The following NCOR1 variants were observed in gnomAD, a reference collection of about 807,000 sequenced individuals.
NCOR1 encodes nuclear receptor corepressor 1.
In NCOR1, 63 loss-of-function variants were observed where a neutral mutation model predicts 288.1. That is an observed-to-expected ratio of 0.22 (90% confidence interval 0.18 to 0.27). NCOR1 has a LOEUF of 0.27. Ranked by LOEUF, NCOR1 falls within the 10% of genes least tolerant of loss-of-function variation. The pLI is 1.00. For missense variants in NCOR1, 2,397 were observed against 3,019.2 expected, an observed-to-expected ratio of 0.79 and a Z score of 4.83; for synonymous variants, 1,007 against 1,065.9, an observed-to-expected ratio of 0.94 and a Z score of 1.08.
At chr17:16,212,064 T>A (rs1194118588) in intron 1 of NCOR1, among the ~76,000 whole-genome samples, 1 of 151,732 alleles carries the variant, frequency 6.6e-6, no homozygotes, top group East Asian at 1.9e-4. Context: ...GATCATGAGG[T>A]CAGGAGTTCA....
At chr17:16,098,518 A>G in intron 20 of NCOR1, 22 bp from the exon 21 acceptor site, 7 of 1,594,306 alleles carry the variant, frequency 4.4e-6, no homozygotes, top group Non-Finnish European at 6.0e-6. Context: ...ATTTAAAAAA[A>G]AGATAAATGA....
rs1971830954 is a variant in NCOR1 at position 16,030,615 on chromosome 17, A to G, written c.*1681T>C. On this transcript the variant is annotated 3_prime_UTR_variant, in exon 46 of 46. Coordinates refer to ENST00000268712, the MANE Select transcript of NCOR1 (RefSeq NM_006311.4). ...AAAAAATACCAACTTTCCAAGTACT[A>G]GGAATGCTGACCACTAAGCCTGATC... The G allele has an allele frequency of 1.1e-5, 2 of 179,864 alleles. No individual in the cohort carries two copies. The highest frequency in any genetic ancestry group is 4.8e-5 in the African/African-American group (2 of 41,672). The allele number at this position is 179,864 out of a possible 1,614,324, so 11.1% of individuals were successfully genotyped here.
intron 31 of NCOR1, 56 bp downstream of exon 31, chr17:16,070,109 T>G (rs967806113): frequency 9.9e-6 from 15 of 1,517,652 alleles, no homozygotes; most frequent in East Asian, 2.3e-5. Context: ...AAAGGTTTTT[T>G]TTTTTTTTTT....
rs567792989 is a variant in NCOR1 at position 16,189,795 on chromosome 17, G to A, written c.109-3108C>T. Among the ~76,000 whole-genome samples, 93 of 152,208 alleles carry A rather than the reference G, an allele frequency of 6.1e-4. 1 individual carries two copies. Among genetic ancestry groups the A allele is most frequent in the African/African-American group, 2.2e-3 (90 of 41,532 alleles). ...AGTGAAACTTTATTATAAGTTTGAT[G>A]AAATAAAAAAGTTTCCTACAAAGTT... On this transcript the variant is annotated intron_variant, in intron 2 of 45. Transcript: ENST00000268712.
rs897172261 is a variant in NCOR1, at chr17:16,101,862, T to A, written c.2183-105A>T. 3.6e-6 allele frequency: 5 copies of A among 1,400,950 alleles called. No homozygotes were observed. The African/African-American group carries it at 5.7e-5, about 16-fold the overall frequency. The allele number at this position is 1,400,950 out of a possible 1,614,324, so 86.8% of individuals were successfully genotyped here. Reference sequence around the variant, plus strand: ...ATAATGAACATGTTTCAGGTGGTGATAGAAACCATGTTTGAAAGTAGTTGT... The same window carrying A: ...ATAATGAACATGTTTCAGGTGGTGAAAGAAACCATGTTTGAAAGTAGTTGT... On this transcript the variant is annotated intron_variant, in intron 19 of 45. Transcript: ENST00000268712.
intron 26 of NCOR1, among the ~76,000 whole-genome samples, chr17:16,078,275 C>T (rs1341804635): frequency 6.6e-6 from 1 of 152,148 alleles, no homozygotes; most frequent in Non-Finnish European, 1.5e-5. Flanking sequence ...AATCTGATAC[C>T]ATATGCTTAA....
intron 5 of NCOR1, among the ~76,000 whole-genome samples, chr17:16,161,712 A>G (rs769969979): frequency 6.6e-6 from 1 of 152,208 alleles, no homozygotes; most frequent in Non-Finnish European, 1.5e-5. Context: ...AACACAGAAC[A>G]TTATTATCAC....
At position 16,167,998 on chromosome 17, in the gene NCOR1, T is replaced by C. The variant is rs552499364; in HGVS notation, c.436-2837A>G. Among the ~76,000 whole-genome samples, 128 of 147,652 alleles carry C rather than the reference T, an allele frequency of 8.7e-4. No individual in the cohort carries two copies. The South Asian group carries it at 0.026, about 30-fold the overall frequency. On this transcript the variant is annotated intron_variant, in intron 4 of 45. Coordinates refer to ENST00000268712, the MANE Select transcript of NCOR1 (RefSeq NM_006311.4). ...TGCACTCTAACAACTCAATGTAAAA[T>C]AAACCAACAGAAAAATGGACAACAT... is the stretch of plus-strand genomic sequence containing the variant.
At chr17:16,155,178 C>T (rs1026202672) in intron 6 of NCOR1, among the ~76,000 whole-genome samples, 7 of 151,984 alleles carry the variant, frequency 4.6e-5, no homozygotes, top group Non-Finnish European at 7.4e-5. Flanking sequence ...TGGTGAAACC[C>T]CATCTCTACT....
In NCOR1 at chr17:16,057,536, G is replaced by A. The variant is rs1403202191; in HGVS notation, c.6370C>T (p.Leu2124Phe). ...RPGSRVSPEN[L>F]VDKSRGSRPG... is the part of the protein sequence containing the mutation. Reference sequence around the variant, plus strand: ...TACCTTCCCCTGGATTTGTCCACAAGATTTTCTGGAGAGACCCTTGAACCT... The same window carrying A: ...TACCTTCCCCTGGATTTGTCCACAAAATTTTCTGGAGAGACCCTTGAACCT... Residue 2124 changes from leucine (L) to phenylalanine (F), a missense_variant, in exon 40 of 46, where the codon CTT (leucine) becomes TTT (phenylalanine). Leu to Phe is a conservative substitution (Grantham distance 22). Coordinates refer to ENST00000268712, the MANE Select transcript of NCOR1 (RefSeq NM_006311.4). The A allele has an allele frequency of 6.2e-7, 1 of 1,614,098 alleles. No homozygotes were observed. The highest frequency in any genetic ancestry group is 1.7e-5 in the Admixed American group (1 of 60,016).
intron 14 of NCOR1, among the ~76,000 whole-genome samples, chr17:16,127,051 C>T (rs539273009): frequency 6.6e-6 from 1 of 151,906 alleles, no homozygotes; most frequent in South Asian, 2.1e-4. Context: ...TTATTTGTTA[C>T]TGTTAATTCC....
At position 16,181,215 on chromosome 17, in the gene NCOR1, G is replaced by GTATGTATGTA. The variant is rs1568520148; in HGVS notation, c.242+5338_242+5339insTACATACATA. ...TGTGTGTATACATATATATGTATGT[G>GTATGTATGTA]TGTGTGTGTGTGTGTGTGTGTGTGT... On this transcript the variant is annotated intron_variant, in intron 3 of 45. Transcript: ENST00000268712. Among the ~76,000 whole-genome samples the GTATGTATGTA allele has an allele frequency of 6.3e-3, 667 of 106,042 alleles. 2 individuals carry two copies. The highest frequency in any genetic ancestry group is 7.6e-3 in the African/African-American group (180 of 23,624). 69.6% of individuals were successfully genotyped at this position (106,042 alleles called of 152,430 possible).
At position 16,184,976 on chromosome 17, in the gene NCOR1, T is replaced by C. The variant is rs566510908; in HGVS notation, c.242+1578A>G. Among the ~76,000 whole-genome samples, 15 of 141,414 alleles carry C rather than the reference T, an allele frequency of 1.1e-4. No individual in the cohort carries two copies. The East Asian group carries it at 2.0e-3, about 19-fold the overall frequency. 92.8% of individuals were successfully genotyped at this position (141,414 alleles called of 152,430 possible). A position where few individuals can be genotyped will look rare whatever the true frequency, so the allele number is the denominator to read the frequency against. On this transcript the variant is annotated intron_variant, in intron 3 of 45. Coordinates refer to ENST00000268712, the MANE Select transcript of NCOR1 (RefSeq NM_006311.4). ...AAACCTGACACAGAAAGTAAAATAT[T>C]GCATGATTTCGCTTATATGTGGAAT...
rs761454179 is a variant in NCOR1 at position 16,039,523 on chromosome 17, G to T, written c.6865C>A (p.Pro2289Thr). The change falls in exon 44 of 46, where the codon CCT becomes ACT. Residue 2289 changes from proline to threonine, a missense_variant. Physicochemically the swap from Pro to Thr is conservative, Grantham distance 38 (BLOSUM62 -1). This residue lies in a region of NCOR1 where 1,872 missense variants were observed against 2,187.8 expected (regional missense o/e 0.86). Coordinates refer to ENST00000268712, the MANE Select transcript of NCOR1 (RefSeq NM_006311.4). ...GCAGTACCAGGCACTACTCCCATAG[G>T]CTGGGACATGACAACTCCATGATCC... ...VEDHGVVMSQ[P>T]MGVVPGTANT... is the part of the protein sequence containing the mutation. The T allele has an allele frequency of 3.7e-6, 6 of 1,613,962 alleles. No homozygotes were observed. The highest frequency in any genetic ancestry group is 1.3e-5 in the African/African-American group (1 of 74,878).
At chr17:16,205,147 G>A (rs1180801167) in intron 1 of NCOR1, among the ~76,000 whole-genome samples, 1 of 151,806 alleles carries the variant, frequency 6.6e-6, no homozygotes, top group Non-Finnish European at 1.5e-5. Context: ...TTGAACCCAG[G>A]AGGCAGAGAT....
chr17:16,136,280 G>C (rs897880720), intron 14 of NCOR1, among the ~76,000 whole-genome samples: 6 of 152,110 alleles, frequency 3.9e-5, no homozygotes, highest in African/African-American at 1.4e-4. Context: ...CGACTTTCCA[G>C]GCTCAAGCCA....
chr17:16,056,919 T>TAA (rs1390346431), intron 40 of NCOR1: 1 of 151,882 alleles, frequency 6.6e-6, no homozygotes, highest in African/African-American at 2.4e-5. Flanking sequence ...TATATATATA[T>TAA]AAAATTATTC....
chr17:16,185,187 A>G (rs1369236865), intron 3 of NCOR1, among the ~76,000 whole-genome samples: 1 of 152,132 alleles, frequency 6.6e-6, no homozygotes, highest in Non-Finnish European at 1.5e-5. Context: ...TACAGATAAT[A>G]ATATAGTGCT....
At chr17:16,032,650 C>A (rs1314730442) in intron 45 of NCOR1, among the ~76,000 whole-genome samples, 167 bp from the exon 46 acceptor site, 2 of 152,170 alleles carry the variant, frequency 1.3e-5, no homozygotes. Flanking sequence ...CCACTTAAAT[C>A]CTAGCCAATG....
Sources: allele counts gnomAD v4.1 joint callset (sites outside exome capture counted in the v4.1 genomes callset), GRCh38; gene constraint gnomAD v4.1.1; regional missense constraint gnomAD v4.1.1; transcripts MANE v1.5; gene names NCBI Gene and HGNC (gene_info 2026-07-23, HGNC 2026-07-21).